TRIO: variants seen among roughly 807,000 people sequenced by gnomAD.
TRIO encodes triple functional domain protein.
Under a neutral mutation model 351.9 loss-of-function variants are expected in TRIO, and 58 were observed. That is an observed-to-expected ratio of 0.16 (90% confidence interval 0.13 to 0.21). TRIO has a LOEUF of 0.21. Ranked by LOEUF, TRIO falls within the 10% of genes least tolerant of loss-of-function variation. The pLI is 1.00. For missense variants in TRIO, 3,201 were observed against 4,027.8 expected (o/e 0.79, Z 5.56); for synonymous variants, 1,758 against 1,595.7 (o/e 1.10, Z -2.42).
chr5:14,316,927 A>G (rs1272349459), intron 9 of TRIO, among the ~76,000 whole-genome samples, 184 bp downstream of exon 9: 1 of 152,232 alleles, frequency 6.6e-6, no homozygotes, highest in Non-Finnish European at 1.5e-5. Flanking sequence ...GCTGTCAGCC[A>G]GTAGCTCCTG....
chr5:14,453,701 C>T (rs1047884839), intron 34 of TRIO, among the ~76,000 whole-genome samples: 1 of 152,224 alleles, frequency 6.6e-6, no homozygotes. Flanking sequence ...TTCTTTCTGA[C>T]ATCCCTTATG....
intron 1 of TRIO, among the ~76,000 whole-genome samples, chr5:14,186,315 G>A (rs1790108368): frequency 6.6e-6 from 1 of 152,114 alleles, no homozygotes; most frequent in South Asian, 2.1e-4. Flanking sequence ...ATGCATAACT[G>A]TGAGTCATCC....
chr5:14,190,112 A>C (rs1790368106), intron 1 of TRIO, among the ~76,000 whole-genome samples: 1 of 152,116 alleles, frequency 6.6e-6, no homozygotes, highest in African/African-American at 2.4e-5. Flanking sequence ...GTGGGTCTAT[A>C]GAGATGGAAA....
chr5:14,340,874 A>G (rs1277702011), intron 11 of TRIO, among the ~76,000 whole-genome samples: 6 of 152,188 alleles, frequency 3.9e-5, no homozygotes, highest in Non-Finnish European at 7.3e-5. Context: ...TTCTACCTCG[A>G]GGTAGAATGC....
At chr5:14,498,981 T>C (rs1757089544) in intron 53 of TRIO, 1 of 263,030 alleles carries the variant, frequency 3.8e-6, no homozygotes, top group South Asian at 5.6e-5. Flanking sequence ...GTGCTTTCCG[T>C]GCTCCTAGTA....
At chr5:14,254,298 C>T (rs766054379) in intron 1 of TRIO, among the ~76,000 whole-genome samples, 3 of 152,046 alleles carry the variant, frequency 2.0e-5, no homozygotes, top group Non-Finnish European at 4.4e-5. Context: ...ATTCCCCTGC[C>T]TCAACCTCCC....
intron 11 of TRIO, among the ~76,000 whole-genome samples, chr5:14,340,265 C>T (rs970078487): frequency 2.0e-5 from 3 of 151,806 alleles, no homozygotes; most frequent in African/African-American, 2.4e-5. Context: ...GGCGTGGTGG[C>T]GGGCGCCTGT....
chr5:14,484,298 T>C (rs1271360991), intron 46 of TRIO, among the ~76,000 whole-genome samples: 1 of 152,236 alleles, frequency 6.6e-6, no homozygotes. Flanking sequence ...TTGAGATTTG[T>C]TTAATGGTGT....
chr5:14,485,503 G>T (rs548755089), intron 47 of TRIO, among the ~76,000 whole-genome samples: 8 of 152,340 alleles, frequency 5.3e-5, no homozygotes, highest in African/African-American at 1.9e-4. Flanking sequence ...ACAAGTTGTT[G>T]AGGGCAGAGT....
Position 14,147,392 on chromosome 5 carries a change from G to A in TRIO, c.157+3510G>A, listed in dbSNP as rs548647291. ...TCATTTTTATTGCCAATCTATTTTG[G>A]GGCTCTGTTCTCGTGGCAATAAATC... is the stretch of plus-strand genomic sequence containing the variant. On this transcript the variant is annotated intron_variant, in intron 1 of 56. Coordinates refer to ENST00000344204, the MANE Select transcript of TRIO (RefSeq NM_007118.4). Among the ~76,000 whole-genome samples, 19 of 152,138 alleles carry A rather than the reference G, an allele frequency of 1.2e-4. 1 individual carries two copies. In the South Asian group the frequency reaches 3.9e-3, roughly 32 times the overall value.
At chr5:14,311,116 C>T (rs1277001160) in intron 8 of TRIO, among the ~76,000 whole-genome samples, 2 of 152,208 alleles carry the variant, frequency 1.3e-5, no homozygotes, top group East Asian at 1.9e-4. Flanking sequence ...CTTCTTCTCA[C>T]CCCAAACTCA....
intron 1 of TRIO, among the ~76,000 whole-genome samples, chr5:14,219,814 A>G (rs1035939079): frequency 4.0e-5 from 6 of 151,696 alleles, no homozygotes; most frequent in Non-Finnish European, 8.8e-5. Context: ...AAAATAGATC[A>G]GTATTTTTCA....
At chr5:14,426,462 C>T (rs938834998) in intron 34 of TRIO, among the ~76,000 whole-genome samples, 3 of 152,196 alleles carry the variant, frequency 2.0e-5, no homozygotes, top group African/African-American at 7.2e-5. Context: ...CACACAGAGG[C>T]TCCCATCAGG....
intron 38 of TRIO, among the ~76,000 whole-genome samples, chr5:14,472,027 T>A (rs972044600): frequency 1.3e-5 from 2 of 152,146 alleles, no homozygotes; most frequent in African/African-American, 2.4e-5. Flanking sequence ...CAGGTTGATG[T>A]TGGTTGAATG....
Position 14,280,366 on chromosome 5 carries a change from C to G in TRIO, c.277C>G (p.Arg93Gly). 1 of 1,614,076 alleles carries G rather than the reference C, an allele frequency of 6.2e-7. No homozygotes were observed. Among genetic ancestry groups the G allele is most frequent in the Non-Finnish European group, 8.5e-7 (1 of 1,180,008 alleles). Reference protein sequence around the residue: ...RGGPILTFPARSNHDRIRQED... With the variant: ...RGGPILTFPAGSNHDRIRQED... ...AGGTCCCATTTTAACGTTTCCGGCCCGCAGCAATCATGACAGAATACGACA... is the reference window on the plus strand; with the variant it reads ...AGGTCCCATTTTAACGTTTCCGGCCGGCAGCAATCATGACAGAATACGACA... Residue 93 changes from arginine (R) to glycine (G), a missense_variant, in exon 3 of 57, where the codon CGC becomes GGC. Physicochemically the swap from Arg to Gly is moderately radical, Grantham distance 125. Around this residue, in one of 19 missense-constraint regions of TRIO, gnomAD observed 109 missense variants for 134.6 expected, o/e 0.81. Coordinates refer to ENST00000344204, the MANE Select transcript of TRIO (RefSeq NM_007118.4).
At chr5:14,360,047 C>T (rs1744004316) in intron 13 of TRIO, among the ~76,000 whole-genome samples, 1 of 152,088 alleles carries the variant, frequency 6.6e-6, no homozygotes, top group African/African-American at 2.4e-5. Context: ...TTCCTTGCTT[C>T]CTCCCTTTCT....
intron 11 of TRIO, among the ~76,000 whole-genome samples, chr5:14,355,037 T>G (rs1743488412): frequency 1.3e-5 from 2 of 152,178 alleles, no homozygotes; most frequent in Non-Finnish European, 2.9e-5. Context: ...GAGAGGAAGT[T>G]GGAAGGTGGG....
chr5:14,143,922 C>T (rs1350758615), intron 1 of TRIO, 40 bp downstream of exon 1: 2 of 1,052,212 alleles, frequency 1.9e-6, no homozygotes, highest in Non-Finnish European at 2.3e-6. Context: ...CGGCGCTGCC[C>T]CAAGCGCTCG....
intron 11 of TRIO, among the ~76,000 whole-genome samples, chr5:14,350,462 A>G (rs376733814): frequency 3.3e-5 from 5 of 152,318 alleles, no homozygotes; most frequent in Admixed American, 1.3e-4. Context: ...CTGTTTGGTT[A>G]GTTTAAGTCC....
Sources: gnomAD v4.1 joint callset for allele counts (sites outside exome capture counted in the v4.1 genomes callset) on GRCh38, gnomAD v4.1.1 for gene constraint, gnomAD v4.1.1 regional missense constraint, MANE v1.5 for transcripts, NCBI Gene and HGNC (gene_info 2026-07-23, HGNC 2026-07-21) for gene names.